HDAC9: variants seen among roughly 807,000 people sequenced by gnomAD.
HDAC9 encodes histone deacetylase 9.
HDAC9 carries 41 observed loss-of-function variants against 139.4 expected under a neutral mutation model. That is an observed-to-expected ratio of 0.29 (90% CI 0.23 to 0.38). The LOEUF is 0.38. Ranked by LOEUF, HDAC9 falls within the 10% of genes least tolerant of loss-of-function variation. The probability of loss-of-function intolerance (pLI) is 1.00; values close to 1 mark genes in which losing one functional copy is unlikely to be tolerated. For missense variants in HDAC9, 1,147 were observed against 1,297.0 expected, an observed-to-expected ratio of 0.88 and a Z score of 1.78; for synonymous variants, 517 against 476.2, an observed-to-expected ratio of 1.09 and a Z score of -1.12.
intron 24 of HDAC9, 37 bp from the exon 25 acceptor site, chr7:18,975,769 T>G: frequency 1.2e-6 from 2 of 1,602,720 alleles, no homozygotes; most frequent in Non-Finnish European, 1.7e-6. Context: ...CTGCTGTAAT[T>G]ACAATTCTTA....
chr7:18,505,442 C>G (rs1030413676), intron 2 of HDAC9, among the ~76,000 whole-genome samples: 6 of 152,196 alleles, frequency 3.9e-5, no homozygotes, highest in Non-Finnish European at 5.9e-5. Context: ...GTGAAATTCT[C>G]TAGCCACAAT....
intron 12 of HDAC9, among the ~76,000 whole-genome samples, chr7:18,685,743 C>G (rs1407652613): frequency 6.6e-6 from 1 of 151,866 alleles, no homozygotes; most frequent in Non-Finnish European, 1.5e-5. Flanking sequence ...AAGAAACATT[C>G]TATGCGACAG....
chr7:18,506,109 G>C (rs1226847983), intron 2 of HDAC9: 2 of 152,222 alleles, frequency 1.3e-5, no homozygotes, highest in East Asian at 3.8e-4. Flanking sequence ...TAACATTCAA[G>C]TGAAACCACA....
chr7:18,347,914 T>C (rs925247946), intron 1 of HDAC9, among the ~76,000 whole-genome samples: 1 of 152,124 alleles, frequency 6.6e-6, no homozygotes, highest in African/African-American at 2.4e-5. Flanking sequence ...GTGCCCTCTG[T>C]TTTTACAAAG....
chr7:18,648,065 G>A (rs1279339455), intron 10 of HDAC9, 67 bp downstream of exon 10: 7 of 1,265,522 alleles, frequency 5.5e-6, no homozygotes, highest in Non-Finnish European at 7.7e-6. Flanking sequence ...CCAGGATAAT[G>A]TCTCTTTTAC....
chr7:18,163,333 A>C (rs970567658), intron 2 of HDAC9, among the ~76,000 whole-genome samples: 1 of 152,178 alleles, frequency 6.6e-6, no homozygotes, highest in African/African-American at 2.4e-5. Context: ...ACCATGTTTG[A>C]TAATTGGCAT....
At chr7:18,435,195 G>A (rs1377414461) in intron 1 of HDAC9, among the ~76,000 whole-genome samples, 1 of 151,910 alleles carries the variant, frequency 6.6e-6, no homozygotes, top group Non-Finnish European at 1.5e-5. Context: ...ATACTTGGGA[G>A]CTAAACATAG....
At chr7:18,482,255 C>A (rs1795612932) in intron 1 of HDAC9, among the ~76,000 whole-genome samples, 1 of 151,464 alleles carries the variant, frequency 6.6e-6, no homozygotes, top group African/African-American at 2.4e-5. Context: ...TAAAGAGTAT[C>A]CCTGGCTGCT....
At chr7:18,439,334 G>A (rs1470813797) in intron 1 of HDAC9, among the ~76,000 whole-genome samples, 1 of 152,102 alleles carries the variant, frequency 6.6e-6, no homozygotes, top group African/African-American at 2.4e-5. Flanking sequence ...GAAGCGCATT[G>A]TAATTTGACT....
chr7:18,629,266 C>CTTT, intron 6 of HDAC9, 84 bp from the exon 7 acceptor site: 4 of 1,014,688 alleles, frequency 3.9e-6, no homozygotes, highest in East Asian at 3.3e-5. Context: ...AAGGGTGAGA[C>CTTT]TTTTTTTTTT....
Position 18,997,732 on chromosome 7 carries a change from A to C in HDAC9, c.*1670A>C, listed in dbSNP as rs1786546728. On this transcript the variant is annotated 3_prime_UTR_variant, in exon 26 of 26. Coordinates refer to ENST00000686413, the MANE Select transcript of HDAC9 (RefSeq NM_178425.4). Reference sequence around the variant, plus strand: ...AAATCAAAGATGAAAGATTTCACTCAAGTAGAATTATATAACTCCCTTTGT... The same window carrying C: ...AAATCAAAGATGAAAGATTTCACTCCAGTAGAATTATATAACTCCCTTTGT... The C allele has an allele frequency of 6.6e-6, 1 of 152,126 alleles. No homozygotes were observed. 9.4% of individuals were successfully genotyped at this position (152,126 alleles called of 1,614,324 possible).
At chr7:18,733,918 T>C (rs574874268) in intron 13 of HDAC9, among the ~76,000 whole-genome samples, 15 of 152,292 alleles carry the variant, frequency 9.8e-5, no homozygotes, top group African/African-American at 3.6e-4. Flanking sequence ...TTTCTGGAGA[T>C]AAGACATATT....
At chr7:18,735,018 G>T (rs1426526432) in intron 13 of HDAC9, among the ~76,000 whole-genome samples, 2 of 152,180 alleles carry the variant, frequency 1.3e-5, no homozygotes, top group African/African-American at 4.8e-5. Context: ...TGTATCTGTT[G>T]GCTGCCTAAA....
At chr7:18,343,743 G>A (rs776029957) in intron 1 of HDAC9, among the ~76,000 whole-genome samples, 6 of 151,608 alleles carry the variant, frequency 4.0e-5, no homozygotes, top group African/African-American at 1.2e-4. Flanking sequence ...AACCATTTCC[G>A]CATAGATTTT....
chr7:18,683,648 T>C (rs1782047310), intron 12 of HDAC9, among the ~76,000 whole-genome samples: 1 of 152,112 alleles, frequency 6.6e-6, no homozygotes, highest in Admixed American at 6.6e-5. Context: ...TGGACAAAAT[T>C]TATTGAAGCG....
chr7:18,535,674 A>G (rs1036452267), intron 2 of HDAC9, among the ~76,000 whole-genome samples: 5 of 137,878 alleles, frequency 3.6e-5, no homozygotes, highest in Non-Finnish European at 7.6e-5. Context: ...CAACGTTTGC[A>G]TTGAATCTAC....
intron 1 of HDAC9, among the ~76,000 whole-genome samples, chr7:18,326,579 A>T (rs532291568): frequency 6.6e-6 from 1 of 152,124 alleles, no homozygotes; most frequent in African/African-American, 2.4e-5. Context: ...AGAATGAAGG[A>T]TCTGATTAGG....
chr7:18,485,335 T>A (rs1297966532), intron 1 of HDAC9, among the ~76,000 whole-genome samples: 1 of 152,080 alleles, frequency 6.6e-6, no homozygotes, highest in Non-Finnish European at 1.5e-5. Context: ...CCATATCTTA[T>A]TTGGCAGTTA....
intron 22 of HDAC9, among the ~76,000 whole-genome samples, chr7:18,918,963 G>C (rs1354126321): frequency 6.6e-6 from 1 of 151,998 alleles, no homozygotes; most frequent in African/African-American, 2.4e-5. Context: ...AATATTACAT[G>C]TTTCAGATCC....
Sources: allele counts gnomAD v4.1 joint callset (sites outside exome capture counted in the v4.1 genomes callset), GRCh38; gene constraint gnomAD v4.1.1; transcripts MANE v1.5; gene names NCBI Gene and HGNC (gene_info 2026-07-23, HGNC 2026-07-21).